Variants in SCD5 observed in about 807,000 individuals in gnomAD.
SCD5 encodes stearoyl-CoA desaturase 5.
A neutral mutation model predicts 30.4 loss-of-function variants in SCD5; 20 were observed. The ratio of observed to expected loss-of-function variants is 0.66; its 90% CI spans 0.46 to 0.96. The LOEUF (loss-of-function observed/expected upper bound fraction) is 0.96, where lower values mean the gene tolerates loss of function less well. SCD5 is among the 40% of genes least tolerant of loss of function. The pLI, the probability that SCD5 is intolerant of heterozygous loss-of-function variation, is 0.00. For synonymous variants in SCD5, 173 were observed against 176.4 expected, an observed-to-expected ratio of 0.98 and a Z score of 0.16; for missense variants, 381 against 443.3, an observed-to-expected ratio of 0.86 and a Z score of 1.26.
intron 1 of SCD5, among the ~76,000 whole-genome samples, chr4:82,748,344 G>A (rs933620583): frequency 6.6e-6 from 1 of 152,034 alleles, no homozygotes; most frequent in Non-Finnish European, 1.5e-5. Context: ...GGGAGAGGAG[G>A]GGGAGGGGAC....
chr4:82,684,411 G>C (rs1252152897), intron 2 of SCD5, among the ~76,000 whole-genome samples: 1 of 152,160 alleles, frequency 6.6e-6, no homozygotes, highest in African/African-American at 2.4e-5. Flanking sequence ...TAAAGAACAA[G>C]ATGTGCATCA....
intron 2 of SCD5, among the ~76,000 whole-genome samples, chr4:82,683,984 T>C (rs944503098): frequency 6.6e-6 from 1 of 152,218 alleles, no homozygotes; most frequent in Non-Finnish European, 1.5e-5. Flanking sequence ...AACTAATACA[T>C]GGCTGTTTAA....
rs542102774 is a variant in SCD5 at position 82,763,498 on chromosome 4, G to A, written c.232+34808C>T. ...TGCACTCCAGCCTGGGTGACAAAGCGAGACTCTGTCTCAAAAAAAAGTGAT... is the reference window on the plus strand; with the variant it reads ...TGCACTCCAGCCTGGGTGACAAAGCAAGACTCTGTCTCAAAAAAAAGTGAT... On this transcript the variant is annotated intron_variant, in intron 1 of 4. Coordinates refer to ENST00000319540, the MANE Select transcript of SCD5 (RefSeq NM_001037582.3). Among the ~76,000 whole-genome samples the A allele has an allele frequency of 2.7e-4, 41 of 152,244 alleles. 1 individual carries two copies. Among genetic ancestry groups the A allele is most frequent in the Non-Finnish European group, 5.1e-4 (35 of 68,006 alleles).
chr4:82,695,283 G>A (rs768560276), intron 2 of SCD5, among the ~76,000 whole-genome samples: 3 of 152,130 alleles, frequency 2.0e-5, no homozygotes, highest in South Asian at 2.1e-4. Flanking sequence ...CTGGAGAGTC[G>A]TTTAATTTCC....
At chr4:82,769,751 T>A (rs1375692197) in intron 1 of SCD5, among the ~76,000 whole-genome samples, 1 of 152,198 alleles carries the variant, frequency 6.6e-6, no homozygotes, top group Non-Finnish European at 1.5e-5. Flanking sequence ...TCTGACTTAC[T>A]CTGAATGGCT....
At chr4:82,730,730 C>CG (rs1483354475) in intron 1 of SCD5, among the ~76,000 whole-genome samples, 1 of 151,692 alleles carries the variant, frequency 6.6e-6, no homozygotes, top group East Asian at 1.9e-4. Flanking sequence ...GGACTACAGG[C>CG]ACCCACCACC....
intron 1 of SCD5, among the ~76,000 whole-genome samples, chr4:82,770,612 A>T (rs1721598829): frequency 6.6e-6 from 1 of 152,252 alleles, no homozygotes; most frequent in African/African-American, 2.4e-5. Flanking sequence ...AATAATAAGT[A>T]TGGGAATGAA....
At chr4:82,675,682 G>GACTC (rs771722428) in intron 3 of SCD5, among the ~76,000 whole-genome samples, 6 of 152,168 alleles carry the variant, frequency 3.9e-5, no homozygotes, top group Non-Finnish European at 8.8e-5. Flanking sequence ...CCTAAAATGG[G>GACTC]ACTCAATGGA....
chr4:82,686,035 T>G (rs2148822766), intron 2 of SCD5, among the ~76,000 whole-genome samples: 1 of 151,792 alleles, frequency 6.6e-6, no homozygotes, highest in East Asian at 2.0e-4. Context: ...AGACAGGGTC[T>G]CTCTCTGTCA....
chr4:82,654,917 A>AT (rs1213238367), intron 3 of SCD5, among the ~76,000 whole-genome samples: 1 of 152,236 alleles, frequency 6.6e-6, no homozygotes, highest in Non-Finnish European at 1.5e-5. Flanking sequence ...CACATAGAGA[A>AT]TTTTTAACAT....
intron 3 of SCD5, 41 bp downstream of exon 3, chr4:82,680,666 G>A: frequency 1.3e-6 from 2 of 1,584,634 alleles, no homozygotes. Flanking sequence ...TCTATGTCCT[G>A]GCCCCTGAGG....
intron 1 of SCD5, among the ~76,000 whole-genome samples, chr4:82,796,483 G>A (rs542619625): frequency 1.1e-4 from 16 of 152,260 alleles, no homozygotes; most frequent in Non-Finnish European, 1.6e-4. Context: ...TCACCACAGA[G>A]AGCGGTCCGG....
intron 3 of SCD5, among the ~76,000 whole-genome samples, chr4:82,680,099 T>C (rs535459052): frequency 6.6e-6 from 1 of 152,368 alleles, no homozygotes; most frequent in East Asian, 1.9e-4. Context: ...TCTTTCTTCA[T>C]GTGCTTATAG....
At chr4:82,759,658 A>AAG (rs1278619852) in intron 1 of SCD5, among the ~76,000 whole-genome samples, 1 of 151,800 alleles carries the variant, frequency 6.6e-6, no homozygotes, top group African/African-American at 2.4e-5. Flanking sequence ...TAAAAAAAAA[A>AAG]AAAAAAAAAA....
Position 82,717,350 on chromosome 4 carries a change from C to T in SCD5, c.233-11937G>A, listed in dbSNP as rs998562339. On this transcript the variant is annotated intron_variant, in intron 1 of 4. Transcript: ENST00000319540. ...TGGGGAAGAGCAAACACATTCATTG[C>T]TTCTGATTCAGGATAACTCCCATCA... Among the ~76,000 whole-genome samples the T allele has an allele frequency of 8.6e-5, 13 of 151,666 alleles. 2 individuals are homozygous for T. Among genetic ancestry groups the T allele is most frequent in the African/African-American group, 3.2e-4 (13 of 40,974 alleles).
intron 1 of SCD5, among the ~76,000 whole-genome samples, chr4:82,712,296 ATTT>A (rs1341269139): frequency 1.0e-3 from 28 of 27,402 alleles, no homozygotes; most frequent in Middle Eastern, 0.024. Context: ...ATATATATAT[ATTT>A]TATTTTTATT....
At chr4:82,689,083 C>T (rs559360088) in intron 2 of SCD5, among the ~76,000 whole-genome samples, 1 of 152,244 alleles carries the variant, frequency 6.6e-6, no homozygotes, top group African/African-American at 2.4e-5. Context: ...ACAATGATAA[C>T]CCAATAGCAA....
chr4:82,706,127 C>T (rs893855954), intron 1 of SCD5, among the ~76,000 whole-genome samples: 2 of 152,198 alleles, frequency 1.3e-5, no homozygotes, highest in African/African-American at 2.4e-5. Flanking sequence ...TGTAATTTAA[C>T]CTTGGTCATG....
chr4:82,753,513 T>G lies in SCD5; in HGVS notation c.232+44793A>C, dbSNP rs1721152834. On this transcript the variant is annotated intron_variant, in intron 1 of 4. Coordinates refer to ENST00000319540, the MANE Select transcript of SCD5 (RefSeq NM_001037582.3). The stretch of plus-strand genomic sequence containing the variant: ...GTCCATTTCCCACATCTGCCAGGAG[T>G]GTGGCTCTTTGTGGGCTGAGTCACC... 6.7e-6 allele frequency: 3 copies of G among 449,608 alleles called. No individual in the cohort carries two copies. In the Admixed American group the frequency reaches 7.1e-5, roughly 11 times the overall value. 27.9% of individuals were successfully genotyped at this position (449,608 alleles called of 1,614,324 possible).
Sources: gnomAD v4.1 joint callset for allele counts (sites outside exome capture counted in the v4.1 genomes callset) on GRCh38, gnomAD v4.1.1 for gene constraint, MANE v1.5 for transcripts, NCBI Gene and HGNC (gene_info 2026-07-23, HGNC 2026-07-21) for gene names.